The following LIX1L variants were observed in gnomAD, a reference collection of about 807,000 sequenced individuals.
LIX1L encodes limb and CNS expressed 1 like.
A neutral mutation model predicts 34.0 loss-of-function variants in LIX1L; 20 were observed. The observed-to-expected ratio is 0.59, with a 90% confidence interval of 0.41 to 0.85. The LOEUF (loss-of-function observed/expected upper bound fraction) is 0.85, where lower values mean the gene tolerates loss of function less well. LIX1L is among the 40% of genes least tolerant of loss of function. The pLI is 0.00. For missense variants in LIX1L, 397 were observed against 447.0 expected, an observed-to-expected ratio of 0.89 and a Z score of 1.01; for synonymous variants, 170 against 187.4, an observed-to-expected ratio of 0.91 and a Z score of 0.76.
chr1:145,950,232 A>C (rs1649243874), intron 1 of LIX1L: 1 of 152,260 alleles, frequency 6.6e-6, no homozygotes, highest in Non-Finnish European at 1.5e-5. Flanking sequence ...AGACAATTGC[A>C]AGAGATTTAT....
intron 3 of LIX1L, chr1:145,939,932 C>T (rs1648831603): frequency 6.6e-6 from 1 of 151,986 alleles, no homozygotes; most frequent in South Asian, 2.1e-4. Flanking sequence ...AGCCACCACA[C>T]CTGGCCTAGA....
intron 1 of LIX1L, among the ~76,000 whole-genome samples, chr1:145,952,456 A>C (rs1279207077): frequency 6.6e-6 from 1 of 152,188 alleles, no homozygotes; most frequent in Admixed American, 6.6e-5. Context: ...GTCTCTCACA[A>C]GAAAGACCAA....
chr1:145,951,273 C>T (rs1278233397), intron 1 of LIX1L, among the ~76,000 whole-genome samples: 5 of 152,112 alleles, frequency 3.3e-5, no homozygotes, highest in African/African-American at 4.8e-5. Flanking sequence ...TCTCAAACTC[C>T]TGACCTTAGG....
intron 3 of LIX1L, chr1:145,940,197 C>T (rs1176097222): frequency 6.6e-6 from 1 of 152,100 alleles, no homozygotes; most frequent in African/African-American, 2.4e-5. Flanking sequence ...AACTCCTGAC[C>T]TTAGGCAATC....
chr1:145,950,850 G>A (rs1251270279), intron 1 of LIX1L, among the ~76,000 whole-genome samples: 1 of 152,202 alleles, frequency 6.6e-6, no homozygotes, highest in East Asian at 1.9e-4. Flanking sequence ...CGACTTTGTG[G>A]TGCAAATGTG....
rs372024521 is a variant in LIX1L, at chr1:145,933,769, C to T, written c.*2541G>A. 6.6e-6 allele frequency: 1 copy of T among 151,916 alleles called. No homozygotes were observed. Among genetic ancestry groups the T allele is most frequent in the Non-Finnish European group, 1.5e-5 (1 of 67,976 alleles). 9.4% of individuals were successfully genotyped at this position (151,916 alleles called of 1,614,324 possible). ...CCCGACGTGTTTCATGGAATACAAA[C>T]ATGGGGCTTCTACCCCAGCTCTCTT... is the stretch of plus-strand genomic sequence containing the variant. On this transcript the variant is annotated 3_prime_UTR_variant, in exon 6 of 6. Transcript: ENST00000604000.
intron 3 of LIX1L, among the ~76,000 whole-genome samples, chr1:145,941,382 A>G (rs1264621284): frequency 6.6e-6 from 1 of 150,986 alleles, no homozygotes; most frequent in Non-Finnish European, 1.5e-5. Context: ...CCTCCCGAGT[A>G]GCTGGGATTA....
chr1:145,933,800 T>C lies in LIX1L; in HGVS notation c.*2510A>G, dbSNP rs1171487864. 6.6e-6 allele frequency: 1 copy of C among 151,768 alleles called. No individual in the cohort carries two copies. Among genetic ancestry groups the C allele is most frequent in the South Asian group, 2.1e-4 (1 of 4,822 alleles). The allele number at this position is 151,768 out of a possible 1,614,324, so 9.4% of individuals were successfully genotyped here. On this transcript the variant is annotated 3_prime_UTR_variant, in exon 6 of 6. Transcript: ENST00000604000. ...GCTTCTACCCCAGCTCTCTTCTGATTAGTAAGAAAAAAAAAATGATAGGGC... is the reference window on the plus strand; with the variant it reads ...GCTTCTACCCCAGCTCTCTTCTGATCAGTAAGAAAAAAAAAATGATAGGGC...
Position 145,957,974 on chromosome 1 carries a change from G to T in LIX1L, c.-47C>A. On this transcript the variant is annotated 5_prime_UTR_variant, in exon 1 of 6. Transcript: ENST00000604000. ...GCCCCGGAGCCTGCCAGCCTGCCGAGCTAACGGTCCCAACCACCCCAGTCA... is the reference window on the plus strand; with the variant it reads ...GCCCCGGAGCCTGCCAGCCTGCCGATCTAACGGTCCCAACCACCCCAGTCA... The T allele has an allele frequency of 2.2e-6, 3 of 1,343,336 alleles. No homozygotes were observed. Among genetic ancestry groups the T allele is most frequent in the East Asian group, 3.1e-5 (1 of 32,664 alleles). The allele number at this position is 1,343,336 out of a possible 1,614,324, so 83.2% of individuals were successfully genotyped here.
intron 4 of LIX1L, 139 bp downstream of exon 4, chr1:145,937,465 G>T (rs1328922300): frequency 1.3e-5 from 8 of 599,066 alleles, no homozygotes; most frequent in Non-Finnish European, 2.4e-5. Context: ...AGCCAGGAAG[G>T]TATTTATTTT....
intron 3 of LIX1L, among the ~76,000 whole-genome samples, chr1:145,941,514 A>G (rs1648916394): frequency 6.6e-6 from 1 of 152,156 alleles, no homozygotes; most frequent in African/African-American, 2.4e-5. Context: ...CAGCCTCCCA[A>G]AGTGCTGGGA....
At chr1:145,946,817 A>G (rs1649129161) in intron 2 of LIX1L, among the ~76,000 whole-genome samples, 1 of 152,200 alleles carries the variant, frequency 6.6e-6, no homozygotes. Context: ...ACCTTGTCTA[A>G]GGGTTTCACA....
intron 1 of LIX1L, among the ~76,000 whole-genome samples, chr1:145,957,110 C>G (rs587663736): frequency 1.1e-4 from 16 of 152,324 alleles, no homozygotes; most frequent in African/African-American, 3.4e-4. Flanking sequence ...AAGGCACTAC[C>G]TAGTTCCCCA....
intron 3 of LIX1L, chr1:145,941,061 T>A (rs1190740545): frequency 3.9e-5 from 6 of 152,114 alleles, no homozygotes; most frequent in Admixed American, 3.9e-4. Context: ...GCTGGCTTTT[T>A]CTTTTTTTAT....
intron 2 of LIX1L, among the ~76,000 whole-genome samples, chr1:145,946,189 T>C: frequency 1.3e-5 from 2 of 149,876 alleles, no homozygotes; most frequent in Middle Eastern, 7.0e-3. Context: ...TTCTCTGAAA[T>C]GACTGAAGTT....
chr1:145,946,765 G>A (rs587719597), intron 2 of LIX1L, among the ~76,000 whole-genome samples: 2 of 152,256 alleles, frequency 1.3e-5, no homozygotes, highest in South Asian at 2.1e-4. Flanking sequence ...GATATGATAG[G>A]GGAAGTTCAA....
At chr1:145,940,053 G>C (rs1160917628) in intron 3 of LIX1L, 1 of 151,800 alleles carries the variant, frequency 6.6e-6, no homozygotes, top group Non-Finnish European at 1.5e-5. Context: ...TGCAACCTCC[G>C]CCTCCTGGTT....
Position 145,934,964 on chromosome 1 carries a change from C to G in LIX1L, c.*1346G>C, listed in dbSNP as rs888130429. 1 of 151,772 alleles carries G rather than the reference C, an allele frequency of 6.6e-6. No individual in the cohort carries two copies. Among genetic ancestry groups the G allele is most frequent in the African/African-American group, 2.4e-5 (1 of 41,250 alleles). The allele number at this position is 151,772 out of a possible 1,614,324, so 9.4% of individuals were successfully genotyped here. On this transcript the variant is annotated 3_prime_UTR_variant, in exon 6 of 6. Transcript: ENST00000604000. Reference sequence around the variant, plus strand: ...GGTGGATTACCTTATGTCAGGAGTTCAAGAACAGCCTGGCCAACATGGTGA... The same window carrying G: ...GGTGGATTACCTTATGTCAGGAGTTGAAGAACAGCCTGGCCAACATGGTGA...
intron 1 of LIX1L, among the ~76,000 whole-genome samples, chr1:145,954,838 C>T (rs1649414505): frequency 6.6e-6 from 1 of 152,110 alleles, no homozygotes; most frequent in Admixed American, 6.5e-5. Context: ...TTATTTAATC[C>T]ACACAAAACT....
Sources: allele counts gnomAD v4.1 joint callset (sites outside exome capture counted in the v4.1 genomes callset), GRCh38; gene constraint gnomAD v4.1.1; transcripts MANE v1.5; gene names NCBI Gene and HGNC (gene_info 2026-07-23, HGNC 2026-07-21).